Variants in ATP2C2 observed in about 807,000 individuals in gnomAD.
ATP2C2 encodes the protein calcium-transporting ATPase type 2C member 2.
ATP2C2 carries 171 observed loss-of-function variants against 110.8 expected under a neutral mutation model. That is an observed-to-expected ratio of 1.54 (90% CI 1.36 to 1.75). ATP2C2 has a LOEUF of 1.75. ATP2C2 is among the 40% of genes most tolerant of loss of function. The pLI is 0.00. For missense variants in ATP2C2, 1,963 were observed against 1,235.0 expected (o/e 1.59, Z -8.84); for synonymous variants, 804 against 508.4 (o/e 1.58, Z -7.82).
At chr16:84,384,770 C>T (rs1165839604) in intron 1 of ATP2C2, among the ~76,000 whole-genome samples, 1 of 152,210 alleles carries the variant, frequency 6.6e-6, no homozygotes, top group African/African-American at 2.4e-5. Flanking sequence ...ATACCTGAAG[C>T]CGGGCATGGT....
chr16:84,451,401 C>G (rs1195522332), intron 17 of ATP2C2, among the ~76,000 whole-genome samples: 1 of 152,222 alleles, frequency 6.6e-6, no homozygotes, highest in Admixed American at 6.5e-5. Context: ...TGCTATGCAG[C>G]TGTTTCTGGC....
intron 6 of ATP2C2, 191 bp downstream of exon 6, chr16:84,410,956 C>T (rs920799787): frequency 1.3e-5 from 8 of 614,270 alleles, no homozygotes; most frequent in African/African-American, 1.3e-4. Flanking sequence ...GTCACTCAAC[C>T]TCTCTGGGCC....
At chr16:84,455,077 G>GT (rs1555568554) in intron 21 of ATP2C2, 93 bp downstream of exon 21, 8 of 1,493,040 alleles carry the variant, frequency 5.4e-6, no homozygotes, top group Admixed American at 4.0e-5. Flanking sequence ...TAGAGGGGGG[G>GT]GTCTCGCGGA....
intron 17 of ATP2C2, 47 bp from the exon 18 acceptor site, chr16:84,451,874 G>A: frequency 6.5e-7 from 1 of 1,548,394 alleles, no homozygotes; most frequent in South Asian, 1.2e-5. Flanking sequence ...AAAAACGACG[G>A]CCCCTAAGCC....
intron 11 of ATP2C2, among the ~76,000 whole-genome samples, chr16:84,438,627 C>T (rs1908958071): frequency 6.6e-6 from 1 of 152,144 alleles, no homozygotes; most frequent in African/African-American, 2.4e-5. Flanking sequence ...AGTGAGCAGA[C>T]ACCCCGAAAC....
At chr16:84,373,517 AAAAG>A (rs988815953) in intron 1 of ATP2C2, among the ~76,000 whole-genome samples, 23 of 152,310 alleles carry the variant, frequency 1.5e-4, no homozygotes, top group Admixed American at 1.4e-3. Flanking sequence ...CAACAACAAA[AAAAG>A]AGACTGGAAA....
At chr16:84,397,590 C>T (rs770541669) in intron 1 of ATP2C2, among the ~76,000 whole-genome samples, 2 of 137,128 alleles carry the variant, frequency 1.5e-5, no homozygotes, top group African/African-American at 2.7e-5. Flanking sequence ...AGGAGGATCA[C>T]CTGAGCCTGG....
intron 15 of ATP2C2, among the ~76,000 whole-genome samples, chr16:84,443,992 A>AC (rs1290175282): frequency 1.3e-5 from 2 of 150,926 alleles, no homozygotes; most frequent in Admixed American, 1.3e-4. Context: ...CATAGCGAAA[A>AC]CCCATCTCTA....
rs34953788 is a variant in ATP2C2, at chr16:84,375,540, C to CAA, written c.99+6841_99+6842dup. Among the ~76,000 whole-genome samples, 289 of 130,804 alleles carry CAA rather than the reference C, an allele frequency of 2.2e-3. 3 individuals carry two copies. The highest frequency in any genetic ancestry group is 6.1e-3 in the African/African-American group (206 of 33,792). The allele number at this position is 130,804 out of a possible 152,430, so 85.8% of individuals were successfully genotyped here. A position where few individuals can be genotyped will look rare whatever the true frequency, so the allele number is the denominator to read the frequency against. ...TGGGTGACAGAGCAAGACTCTGTCTCAAAAAAAAAAAAAAAAGAAAGAAAG... is the reference window on the plus strand; with the variant it reads ...TGGGTGACAGAGCAAGACTCTGTCTCAAAAAAAAAAAAAAAAAAGAAAGAAAG... On this transcript the variant is annotated intron_variant, in intron 1 of 26. Coordinates refer to ENST00000262429, the MANE Select transcript of ATP2C2 (RefSeq NM_014861.4).
chr16:84,412,046 G>T (rs542369677), intron 6 of ATP2C2, among the ~76,000 whole-genome samples: 1 of 148,320 alleles, frequency 6.7e-6, no homozygotes, highest in Non-Finnish European at 1.5e-5. Context: ...GTCTGGCTCT[G>T]TTGCCTAGGC....
At chr16:84,404,694 C>T in intron 2 of ATP2C2, 1 of 341,654 alleles carries the variant, frequency 2.9e-6, no homozygotes, top group Non-Finnish European at 5.7e-6. Flanking sequence ...ACTAGCAGTT[C>T]CTTTGGGTAT....
In ATP2C2 at chr16:84,453,345, C is replaced by T. The variant is rs749375829; in HGVS notation, c.1954C>T (p.Pro652Ser). Reference protein sequence around the residue: ...GKVSVFFRTSPKHKLKIIKAL... With the variant: ...GKVSVFFRTSSKHKLKIIKAL... ...GGTGTCCGTGTTCTTCAGGACCAGC[C>T]CAAAGCACAAGCTCAAAATCATCAA... is the stretch of plus-strand genomic sequence containing the variant. The change falls in exon 20 of 27, where the codon CCA becomes TCA. Residue 652 changes from proline to serine, a missense_variant. Pro to Ser is a moderately conservative substitution (Grantham distance 74). Coordinates refer to ENST00000262429, the MANE Select transcript of ATP2C2 (RefSeq NM_014861.4). 1.9e-6 allele frequency: 3 copies of T among 1,614,000 alleles called. No homozygotes were observed. In the Admixed American group the frequency reaches 5.0e-5, roughly 27 times the overall value.
intron 6 of ATP2C2, among the ~76,000 whole-genome samples, chr16:84,411,573 C>A (rs1036704184): frequency 2.0e-5 from 3 of 152,192 alleles, no homozygotes; most frequent in African/African-American, 7.2e-5. Flanking sequence ...TCCCAAATAG[C>A]TGGGACTACA....
rs986376711 is a variant in ATP2C2, at chr16:84,463,972, C to CTGTT, written c.*242_*245dup. 3.9e-5 allele frequency: 18 copies of CTGTT among 463,804 alleles called. No individual in the cohort carries two copies. The highest frequency in any genetic ancestry group is 3.1e-4 in the African/African-American group (16 of 51,602). 28.7% of individuals were successfully genotyped at this position (463,804 alleles called of 1,614,324 possible). ...GAGGGGCCTGTACAGAAACACCACACTGTTTATTAAATCACAATGATTTTT... is the reference window on the plus strand; with the variant it reads ...GAGGGGCCTGTACAGAAACACCACACTGTTTGTTTATTAAATCACAATGATTTTT... On this transcript the variant is annotated 3_prime_UTR_variant, in exon 27 of 27. Transcript: ENST00000262429.
rs1909765902 is a variant in ATP2C2 at position 84,368,612 on chromosome 16, C to T, written c.-4C>T. 1.9e-6 allele frequency: 3 copies of T among 1,553,936 alleles called. No individual in the cohort carries two copies. The highest frequency in any genetic ancestry group is 2.6e-6 in the Non-Finnish European group (3 of 1,149,838). ...GACGCAGGCAACGCCTGCGCCCGCT[C>T]ACCATGGTCGAGGGACGCGTCTCCG... On this transcript the variant is annotated 5_prime_UTR_variant, in exon 1 of 27. Coordinates refer to ENST00000262429, the MANE Select transcript of ATP2C2 (RefSeq NM_014861.4).
At chr16:84,460,281 C>T (rs1911159611) in intron 23 of ATP2C2, 1 of 305,162 alleles carries the variant, frequency 3.3e-6, no homozygotes, top group African/African-American at 2.2e-5. Context: ...GGAGGCTGGT[C>T]TCTCTCAGCT....
At chr16:84,414,007 A>G (rs1012292213) in intron 6 of ATP2C2, among the ~76,000 whole-genome samples, 2 of 152,200 alleles carry the variant, frequency 1.3e-5, no homozygotes, top group Non-Finnish European at 2.9e-5. Context: ...AAGCCAAAAA[A>G]TACTGGAGGC....
chr16:84,392,554 C>T (rs1904724203), intron 1 of ATP2C2, among the ~76,000 whole-genome samples: 1 of 152,160 alleles, frequency 6.6e-6, no homozygotes, highest in Admixed American at 6.5e-5. Flanking sequence ...CCTCTGCCTC[C>T]TGAGTTCAAG....
chr16:84,381,525 C>T (rs1024456928), intron 1 of ATP2C2, among the ~76,000 whole-genome samples: 2 of 151,812 alleles, frequency 1.3e-5, no homozygotes, highest in Non-Finnish European at 2.9e-5. Context: ...TGCAGTGAGC[C>T]GAGATCATGC....
Sources: gnomAD v4.1 joint callset for allele counts (sites outside exome capture counted in the v4.1 genomes callset) on GRCh38, gnomAD v4.1.1 for gene constraint, MANE v1.5 for transcripts, NCBI Gene and HGNC (gene_info 2026-07-23, HGNC 2026-07-21) for gene names.